The following SNTG1 variants were observed in gnomAD, a reference collection of about 807,000 sequenced individuals.
The protein encoded by SNTG1 is gamma-1-syntrophin.
In SNTG1, 39 loss-of-function variants were observed where a neutral mutation model predicts 74.7. That is an observed-to-expected ratio of 0.52 (90% confidence interval 0.40 to 0.68). The LOEUF (loss-of-function observed/expected upper bound fraction) is 0.68. Among genes scored for constraint, SNTG1 ranks in the 30% least tolerant of loss-of-function variants. The pLI is 0.00. For missense variants in SNTG1, 685 were observed against 609.5 expected (o/e 1.12, Z -1.30); for synonymous variants, 254 against 217.1 (o/e 1.17, Z -1.49).
chr8:50,462,794 C>CTT (rs2093576027), intron 8 of SNTG1, among the ~76,000 whole-genome samples: 34 of 43,622 alleles, frequency 7.8e-4, no homozygotes, highest in Admixed American at 1.2e-3. Context: ...TCAGGTTCTA[C>CTT]TCTTTTTTTT....
intron 13 of SNTG1, among the ~76,000 whole-genome samples, chr8:50,626,708 C>T (rs899359284): frequency 8.5e-5 from 13 of 152,182 alleles, no homozygotes; most frequent in Admixed American, 3.3e-4. Context: ...AAGCGGTTTT[C>T]TGCCTTGGGT....
At chr8:50,219,935 C>A (rs1009103821) in intron 2 of SNTG1, among the ~76,000 whole-genome samples, 1 of 152,130 alleles carries the variant, frequency 6.6e-6, no homozygotes, top group Non-Finnish European at 1.5e-5. Context: ...TTCTTGAGAT[C>A]AAACATGAAA....
intron 4 of SNTG1, among the ~76,000 whole-genome samples, chr8:50,417,865 T>C (rs977534561): frequency 6.6e-6 from 1 of 152,074 alleles, no homozygotes; most frequent in African/African-American, 2.4e-5. Flanking sequence ...CTATCTAAGG[T>C]CACCATCTAG....
At chr8:50,484,079 T>C (rs1449603776) in intron 8 of SNTG1, among the ~76,000 whole-genome samples, 2 of 151,914 alleles carry the variant, frequency 1.3e-5, no homozygotes, top group African/African-American at 2.4e-5. Context: ...TTCTTTTCTC[T>C]TTTTCTTTCT....
intron 1 of SNTG1, among the ~76,000 whole-genome samples, chr8:50,063,328 C>G (rs1025248206): frequency 2.6e-5 from 4 of 152,198 alleles, no homozygotes; most frequent in Non-Finnish European, 4.4e-5. Context: ...TTTGCATCAC[C>G]ATGCATTTGT....
At chr8:49,941,286 T>A (rs1382562663) in intron 1 of SNTG1, among the ~76,000 whole-genome samples, 1 of 152,000 alleles carries the variant, frequency 6.6e-6, no homozygotes, top group Non-Finnish European at 1.5e-5. Context: ...AACAGCTCCC[T>A]TCTAGAAGAG....
intron 2 of SNTG1, among the ~76,000 whole-genome samples, chr8:50,379,329 G>C (rs1267959143): frequency 2.6e-5 from 4 of 152,162 alleles, no homozygotes; most frequent in Non-Finnish European, 5.9e-5. Context: ...AAAGCAGGGG[G>C]GGCCTTCATG....
At chr8:50,163,355 C>T (rs2082490940) in intron 1 of SNTG1, 1 of 151,554 alleles carries the variant, frequency 6.6e-6, no homozygotes, top group African/African-American at 2.4e-5. Flanking sequence ...TTTACTGTTG[C>T]TTCCGAGTAT....
intron 17 of SNTG1, among the ~76,000 whole-genome samples, chr8:50,727,810 C>T (rs2095503765): frequency 6.6e-6 from 1 of 152,180 alleles, no homozygotes. Context: ...TTCCCACTGA[C>T]CATTAAAAGT....
At chr8:50,001,023 A>G (rs942284237) in intron 1 of SNTG1, among the ~76,000 whole-genome samples, 3 of 152,208 alleles carry the variant, frequency 2.0e-5, no homozygotes, top group Non-Finnish European at 2.9e-5. Flanking sequence ...TGACATGGTA[A>G]GGACAGATTT....
chr8:50,712,260 G>T (rs1482618375), intron 17 of SNTG1, among the ~76,000 whole-genome samples: 2 of 152,138 alleles, frequency 1.3e-5, no homozygotes, highest in African/African-American at 2.4e-5. Flanking sequence ...AAGAGGAGAT[G>T]AGAAATCATG....
chr8:50,771,219 A>G (rs2095626339), intron 18 of SNTG1, among the ~76,000 whole-genome samples: 1 of 152,136 alleles, frequency 6.6e-6, no homozygotes, highest in African/African-American at 2.4e-5. Context: ...ACTCAGAAGA[A>G]GACAAAAAGA....
chr8:50,130,823 G>A (rs2081293031), intron 1 of SNTG1, among the ~76,000 whole-genome samples: 1 of 152,012 alleles, frequency 6.6e-6, no homozygotes, highest in African/African-American at 2.4e-5. Context: ...CAAATTTGAA[G>A]AGTAAAAAAG....
intron 8 of SNTG1, among the ~76,000 whole-genome samples, chr8:50,493,768 G>A (rs2093879433): frequency 6.7e-6 from 1 of 150,052 alleles, no homozygotes; most frequent in African/African-American, 2.4e-5. Flanking sequence ...TATATATTGA[G>A]AGTATTTAGT....
intron 2 of SNTG1, among the ~76,000 whole-genome samples, chr8:50,227,722 G>T (rs2085403627): frequency 6.7e-6 from 1 of 150,342 alleles, no homozygotes; most frequent in African/African-American, 2.4e-5. Flanking sequence ...CATCGGAGAA[G>T]CCAAAAGTCA....
At chr8:50,582,793 G>C (rs1181929564) in intron 12 of SNTG1, among the ~76,000 whole-genome samples, 1 of 152,046 alleles carries the variant, frequency 6.6e-6, no homozygotes, top group Non-Finnish European at 1.5e-5. Flanking sequence ...CTACACAAAA[G>C]TGTCATTTTT....
intron 1 of SNTG1, among the ~76,000 whole-genome samples, chr8:50,043,926 C>T (rs1311342883): frequency 6.6e-6 from 1 of 152,114 alleles, no homozygotes; most frequent in African/African-American, 2.4e-5. Flanking sequence ...CATTTAAGAA[C>T]CAACAGAAAA....
chr8:50,557,180 G>A (rs557641843), intron 12 of SNTG1, among the ~76,000 whole-genome samples: 24 of 151,514 alleles, frequency 1.6e-4, no homozygotes, highest in African/African-American at 5.1e-4. Flanking sequence ...GTATCAGGCG[G>A]GTGGTGGCAG....
chr8:50,469,734 T>A (rs1025533252), intron 8 of SNTG1, among the ~76,000 whole-genome samples: 5 of 152,180 alleles, frequency 3.3e-5, no homozygotes, highest in African/African-American at 4.8e-5. Context: ...ATCCCAGCAC[T>A]TTAGGAGGCC....
Sources: allele counts gnomAD v4.1 joint callset (sites outside exome capture counted in the v4.1 genomes callset), GRCh38; gene constraint gnomAD v4.1.1; transcripts MANE v1.5; gene names NCBI Gene and HGNC (gene_info 2026-07-23, HGNC 2026-07-21).